Variants in ZFP2 observed in about 807,000 individuals in gnomAD.
ZFP2 encodes ZFP2 zinc finger protein.
ZFP2 carries 33 observed loss-of-function variants against 36.1 expected under a neutral mutation model. The ratio of observed to expected loss-of-function variants is 0.92; its 90% confidence interval spans 0.69 to 1.22. The LOEUF (loss-of-function observed/expected upper bound fraction) is 1.22, where lower values mean the gene tolerates loss of function less well. Among genes scored for constraint, ZFP2 ranks in the 50% most tolerant of loss-of-function variants. ZFP2 has a pLI of 0.00. For missense variants in ZFP2, 522 were observed against 551.4 expected, an observed-to-expected ratio of 0.95 and a Z score of 0.53; for synonymous variants, 170 against 178.0, an observed-to-expected ratio of 0.96 and a Z score of 0.36.
chr5:178,927,398 G>A (rs935920686), intron 4 of ZFP2, among the ~76,000 whole-genome samples: 2 of 152,118 alleles, frequency 1.3e-5, no homozygotes, highest in African/African-American at 4.8e-5. Context: ...TTCCAGAGGA[G>A]TATATTCTCA....
chr5:178,929,089 G>A (rs1758761004), intron 4 of ZFP2, among the ~76,000 whole-genome samples: 1 of 152,074 alleles, frequency 6.6e-6, no homozygotes, highest in African/African-American at 2.4e-5. Context: ...GCAGGGAGCA[G>A]TGTCCCAAGG....
intron 1 of ZFP2, chr5:178,910,615 G>A (rs1758276140): frequency 4.7e-6 from 2 of 423,202 alleles, no homozygotes; most frequent in South Asian, 2.0e-5. Flanking sequence ...TGGTACTGGT[G>A]TCCCGGCCTC....
rs1277239214 is a variant in ZFP2, at chr5:178,932,583, T to A, written c.1270T>A (p.Ser424Thr). The A allele has an allele frequency of 6.2e-7, 1 of 1,613,790 alleles. No individual in the cohort carries two copies. Among genetic ancestry groups the A allele is most frequent in the Non-Finnish European group, 8.5e-7 (1 of 1,179,972 alleles). The part of the protein sequence containing the change: ...QCGKAFIKNS[S>T]LTVHQRTHTG... ...TGGAAAAGCCTTCATTAAGAATTCA[T>A]CCCTTACAGTGCATCAGAGAACTCA... The change falls in exon 5 of 5, where the codon TCC becomes ACC. Residue 424 changes from serine to threonine, a missense_variant. By Grantham distance (58) the Ser-to-Thr change is moderately conservative. Coordinates refer to ENST00000361362, the MANE Select transcript of ZFP2 (RefSeq NM_030613.4).
At position 178,931,799 on chromosome 5, in the gene ZFP2, A is replaced by G; in HGVS notation, c.486A>G (p.Glu162=). The G allele has an allele frequency of 1.2e-6, 2 of 1,614,078 alleles. No individual in the cohort carries two copies. The highest frequency in any genetic ancestry group is 1.7e-6 in the Non-Finnish European group (2 of 1,180,008). The change falls in exon 5 of 5, where the codon GAA becomes GAG. Residue 162 remains glutamate, a synonymous_variant. Coordinates refer to ENST00000361362, the MANE Select transcript of ZFP2 (RefSeq NM_030613.4). ...GAGAGAAACCCTATAAATGTAATGA[A>G]TGTGGGAAAGCCTTTAGTCAGAGCA... The part of the protein sequence containing the change: ...HTGEKPYKCN[E]CGKAFSQSMN...
intron 4 of ZFP2, among the ~76,000 whole-genome samples, chr5:178,926,927 C>T (rs757878057): frequency 2.0e-5 from 3 of 152,156 alleles, no homozygotes; most frequent in Non-Finnish European, 4.4e-5. Flanking sequence ...TCTCTCTTTT[C>T]ACTTAAGCAG....
chr5:178,911,793 T>C (rs1758303547), intron 1 of ZFP2, among the ~76,000 whole-genome samples: 1 of 152,224 alleles, frequency 6.6e-6, no homozygotes, highest in Non-Finnish European at 1.5e-5. Context: ...TTCTATTATC[T>C]ATTCTTATTT....
rs1321020443 is a variant in ZFP2, at chr5:178,931,708, G to T, written c.395G>T (p.Cys132Phe). The T allele has an allele frequency of 1.9e-6, 3 of 1,614,078 alleles. No homozygotes were observed. Among genetic ancestry groups the T allele is most frequent in the South Asian group, 1.1e-5 (1 of 91,082 alleles). ...RIHTGEKPYK[C>F]NVCGKHFIER... Reference sequence around the variant, plus strand: ...CATACTGGGGAGAAACCCTATAAGTGTAATGTATGTGGGAAACACTTCATT... The same window carrying T: ...CATACTGGGGAGAAACCCTATAAGTTTAATGTATGTGGGAAACACTTCATT... Residue 132 changes from cysteine to phenylalanine, a missense_variant, in exon 5 of 5, where the codon TGT becomes TTT. By Grantham distance (205) the Cys-to-Phe change is radical (BLOSUM62 -2). Transcript: ENST00000361362.
At position 178,922,650 on chromosome 5, in the gene ZFP2, G is replaced by A. The variant is rs1249237454; in HGVS notation, c.-78+5940G>A. On this transcript the variant is annotated intron_variant, in intron 4 of 4. Transcript: ENST00000361362. The stretch of plus-strand genomic sequence containing the variant: ...TACGCTTGGAGCGACCTTTGTCCAC[G>A]TGGCTGGCCTTGTTATTTCACCACT... 2.4e-5 allele frequency: 38 copies of A among 1,586,840 alleles called. 3 individuals are homozygous for A. The South Asian group carries it at 2.5e-4, about 11-fold the overall frequency.
At chr5:178,896,860 A>C (rs1393461115) in intron 1 of ZFP2, among the ~76,000 whole-genome samples, 1 of 152,114 alleles carries the variant, frequency 6.6e-6, no homozygotes, top group African/African-American at 2.4e-5. Flanking sequence ...GTAATTTTTT[A>C]CTGGCCTAAA....
intron 1 of ZFP2, chr5:178,909,939 AG>A: frequency 7.0e-7 from 1 of 1,437,580 alleles, no homozygotes; most frequent in Non-Finnish European, 9.8e-7. Context: ...GTTCTCTGTT[AG>A]GAAGTTCAGC....
chr5:178,919,095 T>C (rs1426162097), intron 4 of ZFP2, among the ~76,000 whole-genome samples: 2 of 152,204 alleles, frequency 1.3e-5, no homozygotes, highest in African/African-American at 2.4e-5. Context: ...AAGCACCTTT[T>C]CCTTGGTTCT....
At position 178,915,688 on chromosome 5, in the gene ZFP2, G is replaced by C. The variant is rs1581836006; in HGVS notation, c.-223-877G>C. 4 of 151,822 alleles carry C rather than the reference G, an allele frequency of 2.6e-5. No individual in the cohort carries two copies. In the East Asian group the frequency reaches 7.8e-4, roughly 30 times the overall value. The allele number at this position is 151,822 out of a possible 1,614,324, so 9.4% of individuals were successfully genotyped here. A position where few individuals can be genotyped will look rare whatever the true frequency, so the allele number is the denominator to read the frequency against. ...TTCCATGTCTGTCTGTCTTTAGCCG[G>C]GCATGGTTGCGTGCACCTGTAATCC... On this transcript the variant is annotated intron_variant, in intron 3 of 4. Transcript: ENST00000361362.
In ZFP2 at chr5:178,913,058, G is replaced by C; in HGVS notation, c.-237G>C. The C allele has an allele frequency of 1.0e-6, 1 of 985,882 alleles. No homozygotes were observed. The highest frequency in any genetic ancestry group is 1.2e-6 in the Non-Finnish European group (1 of 829,956). 61.1% of individuals were successfully genotyped at this position (985,882 alleles called of 1,614,324 possible). A position where few individuals can be genotyped will look rare whatever the true frequency, so the allele number is the denominator to read the frequency against. ...GTCTGATGCAAAAAGAACCGCCTGA[G>C]GGTGGCTTTCGAGGTAAGTGCCAGG... On this transcript the variant is annotated 5_prime_UTR_variant, in exon 3 of 5. Transcript: ENST00000361362.
chr5:178,920,099 A>T (rs937526305), intron 4 of ZFP2, among the ~76,000 whole-genome samples: 59 of 152,198 alleles, frequency 3.9e-4, no homozygotes, highest in African/African-American at 1.3e-3. Context: ...TTTCAGCACC[A>T]AACATTTTCT....
At position 178,932,033 on chromosome 5, in the gene ZFP2, AC is replaced by A; in HGVS notation, c.723del (p.Tyr242MetfsTer73). On this transcript the variant is annotated frameshift_variant, in exon 5 of 5. Coordinates refer to ENST00000361362, the MANE Select transcript of ZFP2 (RefSeq NM_030613.4). LOFTEE classifies it high-confidence loss of function. The stretch of plus-strand genomic sequence containing the variant: ...ATCAGAGAACTCATACAGGAGAAAA[AC>A]CCTATGAATGTAATGAATGTGGAAA... ...VHQRTHTGEK[P>X]YECNECGKAF... is the part of the protein sequence containing the mutation. 6 of 1,614,026 alleles carry A rather than the reference AC, an allele frequency of 3.7e-6. No individual in the cohort carries two copies. The highest frequency in any genetic ancestry group is 5.1e-6 in the Non-Finnish European group (6 of 1,180,004).
At chr5:178,920,416 G>C (rs1357085818) in intron 4 of ZFP2, among the ~76,000 whole-genome samples, 2 of 152,052 alleles carry the variant, frequency 1.3e-5, no homozygotes, top group African/African-American at 4.8e-5. Context: ...AGGCTGGTGG[G>C]TCACGAGGTT....
chr5:178,895,940 T>G lies in ZFP2; in HGVS notation c.-484T>G, dbSNP rs1192041722. 2.6e-5 allele frequency: 4 copies of G among 152,376 alleles called. No homozygotes were observed. The highest frequency in any genetic ancestry group is 5.9e-5 in the Non-Finnish European group (4 of 68,172). 9.4% of individuals were successfully genotyped at this position (152,376 alleles called of 1,614,324 possible). On this transcript the variant is annotated 5_prime_UTR_variant, in exon 1 of 5. Transcript: ENST00000361362. ...GCTGTAAGCGCCGGTCGCGGCTGTG[T>G]CGGTCGCCGCTGCTCCCGCTCCTGC...
At chr5:178,921,478 A>G (rs940220685) in intron 4 of ZFP2, among the ~76,000 whole-genome samples, 1 of 144,990 alleles carries the variant, frequency 6.9e-6, no homozygotes, top group Admixed American at 6.9e-5. Context: ...CCCTCTCCTC[A>G]TGTTTTTGAG....
chr5:178,900,971 G>C, intron 1 of ZFP2, among the ~76,000 whole-genome samples: 1 of 152,174 alleles, frequency 6.6e-6, no homozygotes. Context: ...TCAACGTAAT[G>C]TTTTTCAGGT....
Sources: gnomAD v4.1 joint callset for allele counts (sites outside exome capture counted in the v4.1 genomes callset) on GRCh38, gnomAD v4.1.1 for gene constraint, MANE v1.5 for transcripts, NCBI Gene and HGNC (gene_info 2026-07-23, HGNC 2026-07-21) for gene names.